KHDRBS2: variants seen among roughly 807,000 people sequenced by gnomAD.
KHDRBS2 encodes the protein KH domain-containing, RNA-binding, signal transduction-associated protein 2.
A neutral mutation model predicts 44.3 loss-of-function variants in KHDRBS2; 26 were observed. That is an observed-to-expected ratio of 0.59 (90% confidence interval 0.43 to 0.81). The LOEUF (loss-of-function observed/expected upper bound fraction) is 0.81. KHDRBS2 is among the 40% of genes least tolerant of loss of function. The pLI is 0.00. For missense variants in KHDRBS2, 476 were observed against 433.1 expected (o/e 1.10, Z -0.88); for synonymous variants, 194 against 151.1 (o/e 1.28, Z -2.08).
intron 1 of KHDRBS2, among the ~76,000 whole-genome samples, chr6:62,277,681 T>C (rs1413341449): frequency 6.6e-6 from 1 of 152,104 alleles, no homozygotes; most frequent in Non-Finnish European, 1.5e-5. Flanking sequence ...AGGGCATATG[T>C]GATTGTGTAG....
intron 4 of KHDRBS2, among the ~76,000 whole-genome samples, chr6:61,940,016 T>C (rs369990629): frequency 2.0e-5 from 3 of 152,118 alleles, no homozygotes; most frequent in Admixed American, 6.5e-5. Context: ...CTCATGATGA[T>C]ATTAAGTAAA....
At chr6:61,623,701 C>A in the KHDRBS2 span, among the ~76,000 whole-genome samples, 6 of 152,162 alleles carry the variant, frequency 3.9e-5, no homozygotes, top group Admixed American at 3.9e-4. Flanking sequence ...GTTCATGTTA[C>A]CCACCACAAT....
intron 4 of KHDRBS2, among the ~76,000 whole-genome samples, chr6:61,938,379 G>T (rs957043550): frequency 6.6e-6 from 1 of 152,108 alleles, no homozygotes; most frequent in Admixed American, 6.6e-5. Context: ...AAAAGAAACA[G>T]GATATGCTAT....
At chr6:61,853,713 T>C (rs1277522313) in intron 6 of KHDRBS2, among the ~76,000 whole-genome samples, 1 of 152,198 alleles carries the variant, frequency 6.6e-6, no homozygotes, top group Non-Finnish European at 1.5e-5. Flanking sequence ...AAAGGTAAGT[T>C]GAACAAGATG....
chr6:61,608,888 G>T, the KHDRBS2 span, among the ~76,000 whole-genome samples: 1 of 152,136 alleles, frequency 6.6e-6, no homozygotes, highest in East Asian at 1.9e-4. Flanking sequence ...GAATAGTGCT[G>T]CAGTAAACAT....
At chr6:61,798,256 T>C (rs1041854055) in intron 6 of KHDRBS2, among the ~76,000 whole-genome samples, 12 of 152,232 alleles carry the variant, frequency 7.9e-5, no homozygotes, top group African/African-American at 2.9e-4. Flanking sequence ...ATGTTTGTAG[T>C]TCATTCTGCA....
chr6:62,197,856 A>G (rs1381873890), intron 1 of KHDRBS2, among the ~76,000 whole-genome samples: 1 of 152,184 alleles, frequency 6.6e-6, no homozygotes, highest in Non-Finnish European at 1.5e-5. Context: ...TCCTCAGCAA[A>G]CGTAAAAGAA....
intron 6 of KHDRBS2, chr6:61,813,854 G>A (rs1788493419): frequency 2.2e-6 from 1 of 449,858 alleles, no homozygotes; most frequent in African/African-American, 2.0e-5. Context: ...ACCTTCCAGT[G>A]CATAGAAGTA....
At position 62,199,925 on chromosome 6, in the gene KHDRBS2, A is replaced by T. The variant is rs565598666; in HGVS notation, c.92-22613T>A. ...GAACAGAACAGAGCCCTCAGAAATA[A>T]TGCCACATATCTACAACTATCTGAT... On this transcript the variant is annotated intron_variant, in intron 1 of 8. Coordinates refer to ENST00000281156, the MANE Select transcript of KHDRBS2 (RefSeq NM_152688.4). Among the ~76,000 whole-genome samples the T allele has an allele frequency of 5.9e-5, 9 of 152,332 alleles. No homozygotes were observed. In the East Asian group the frequency reaches 1.7e-3, roughly 29 times the overall value.
intron 6 of KHDRBS2, among the ~76,000 whole-genome samples, chr6:61,773,806 G>T (rs1180111778): frequency 6.7e-6 from 1 of 150,240 alleles, no homozygotes; most frequent in South Asian, 2.1e-4. Context: ...AAACCATCTT[G>T]AATTAATTTT....
intron 3 of KHDRBS2, among the ~76,000 whole-genome samples, chr6:62,044,168 T>A (rs1787163492): frequency 6.6e-6 from 1 of 152,002 alleles, no homozygotes; most frequent in African/African-American, 2.4e-5. Flanking sequence ...ATGTCCAGCC[T>A]CCAGTCTCCC....
chr6:61,857,590 T>TTAAAAATAA (rs1554244284), intron 6 of KHDRBS2, among the ~76,000 whole-genome samples: 1 of 151,168 alleles, frequency 6.6e-6, no homozygotes, highest in African/African-American at 2.4e-5. Flanking sequence ...ACTTCATATT[T>TTAAAAATAA]ATTTTTCATA....
At chr6:61,588,443 T>A in the KHDRBS2 span, among the ~76,000 whole-genome samples, 8 of 152,318 alleles carry the variant, frequency 5.3e-5, no homozygotes, top group East Asian at 1.5e-3. Flanking sequence ...CCTGAGAATG[T>A]GAGAGTGATA....
chr6:61,689,808 C>T (rs1423207706), intron 8 of KHDRBS2, among the ~76,000 whole-genome samples: 1 of 151,848 alleles, frequency 6.6e-6, no homozygotes, highest in Non-Finnish European at 1.5e-5. Flanking sequence ...GGTACCAGTA[C>T]GGTTAAGTCA....
intron 4 of KHDRBS2, among the ~76,000 whole-genome samples, chr6:61,954,915 T>TATGTGTGCATAC: frequency 8.2e-6 from 1 of 121,512 alleles, no homozygotes; most frequent in Non-Finnish European, 1.9e-5. Context: ...TGTGCATACA[T>TATGTGTGCATAC]ATATATGTAT....
chr6:61,710,781 C>T (rs1222413347), intron 7 of KHDRBS2, among the ~76,000 whole-genome samples: 3 of 141,254 alleles, frequency 2.1e-5, no homozygotes, highest in Non-Finnish European at 4.6e-5. Flanking sequence ...GATCAGCTCT[C>T]ATTGTACCTG....
chr6:61,736,212 TCA>T (rs376298733), intron 6 of KHDRBS2, among the ~76,000 whole-genome samples: 264 of 135,624 alleles, frequency 1.9e-3, no homozygotes, highest in African/African-American at 4.5e-3. Flanking sequence ...TTACTTTACT[TCA>T]CACACACACA....
chr6:62,265,705 G>T (rs1177906823), intron 1 of KHDRBS2, among the ~76,000 whole-genome samples: 1 of 151,874 alleles, frequency 6.6e-6, no homozygotes, highest in Non-Finnish European at 1.5e-5. Flanking sequence ...TCTCAATTAG[G>T]AGTATCTTGT....
chr6:61,555,308 C>A, the KHDRBS2 span, among the ~76,000 whole-genome samples: 1 of 152,100 alleles, frequency 6.6e-6, no homozygotes, highest in Non-Finnish European at 1.5e-5. Flanking sequence ...GCTGTTAATA[C>A]TTGCAACCGT....
Sources: allele counts gnomAD v4.1 joint callset (sites outside exome capture counted in the v4.1 genomes callset), GRCh38; gene constraint gnomAD v4.1.1; transcripts MANE v1.5; gene names NCBI Gene and HGNC (gene_info 2026-07-23, HGNC 2026-07-21).